The following CFAP96 variants were observed in gnomAD, a reference collection of about 807,000 sequenced individuals.
The protein encoded by CFAP96 is cilia-and flagella-associated protein 96.
At chr4:185,425,969 G>T in the CFAP96 span, 1 of 1,391,484 alleles carries the variant, frequency 7.2e-7, no homozygotes, top group Non-Finnish European at 1.0e-6. Flanking sequence ...CGGGGCCCGG[G>T]CGGACCAACT....
the CFAP96 span, among the ~76,000 whole-genome samples, chr4:185,449,311 A>G: frequency 6.6e-6 from 1 of 152,290 alleles, no homozygotes; most frequent in Non-Finnish European, 1.5e-5. Flanking sequence ...GCTTGAGCCC[A>G]GGATTTTAAG....
the CFAP96 span, among the ~76,000 whole-genome samples, chr4:185,420,163 G>C: frequency 9.1e-6 from 1 of 109,630 alleles, no homozygotes; most frequent in Non-Finnish European, 1.8e-5. Context: ...TCAAAGCTCT[G>C]TGTTCTAAAG....
the CFAP96 span, among the ~76,000 whole-genome samples, chr4:185,416,512 G>C: frequency 5.9e-5 from 9 of 152,206 alleles, no homozygotes; most frequent in Non-Finnish European, 8.8e-5. Flanking sequence ...GATCCTGGGA[G>C]TCAGACTTCT....
At chr4:185,436,086 G>A in the CFAP96 span, 2 of 1,551,044 alleles carry the variant, frequency 1.3e-6, no homozygotes, top group Non-Finnish European at 1.7e-6. Flanking sequence ...AGGTGGTCCA[G>A]TCCCATTTTT....
the CFAP96 span, chr4:185,435,963 C>G: frequency 1.3e-5 from 14 of 1,075,548 alleles, no homozygotes; most frequent in Non-Finnish European, 1.7e-5. Context: ...TTTTTTCAAT[C>G]TGTTTAAAAA....
chr4:185,425,988 C>G, the CFAP96 span: 2 of 1,164,290 alleles, frequency 1.7e-6, no homozygotes, highest in South Asian at 2.7e-5. Flanking sequence ...CTACAACTCC[C>G]GACATGCTCG....
chr4:185,419,045 T>G, the CFAP96 span, among the ~76,000 whole-genome samples: 1 of 152,114 alleles, frequency 6.6e-6, no homozygotes, highest in African/African-American at 2.4e-5. Context: ...TTTTCATCAC[T>G]CCAAAAAGAA....
At chr4:185,431,777 T>C in the CFAP96 span, among the ~76,000 whole-genome samples, 1 of 152,240 alleles carries the variant, frequency 6.6e-6, no homozygotes, top group Non-Finnish European at 1.5e-5. Context: ...ACCTTACATA[T>C]TAACATGTTT....
chr4:185,426,879 CA>C, the CFAP96 span, among the ~76,000 whole-genome samples: 20 of 69,036 alleles, frequency 2.9e-4, no homozygotes, highest in African/African-American at 1.2e-3. Context: ...CTAAAAATAC[CA>C]AAAAAAAAAA....
the CFAP96 span, among the ~76,000 whole-genome samples, chr4:185,433,570 G>A: frequency 6.6e-6 from 1 of 151,652 alleles, no homozygotes; most frequent in African/African-American, 2.4e-5. Context: ...TCTAATTCTA[G>A]TAGGCAACGT....
At chr4:185,445,127 GA>G in the CFAP96 span, 1 of 1,551,198 alleles carries the variant, frequency 6.4e-7, no homozygotes, top group Non-Finnish European at 8.7e-7. Flanking sequence ...TTGAATGTCA[GA>G]AGGTGGGAAT....
the CFAP96 span, among the ~76,000 whole-genome samples, chr4:185,418,047 AACAC>A: frequency 7.0e-6 from 1 of 142,954 alleles, no homozygotes; most frequent in Non-Finnish European, 1.5e-5. Flanking sequence ...TCCATCTCAA[AACAC>A]ACACACACAC....
the CFAP96 span, among the ~76,000 whole-genome samples, chr4:185,416,928 T>C: frequency 6.6e-6 from 1 of 152,326 alleles, no homozygotes; most frequent in Non-Finnish European, 1.5e-5. Context: ...CAGATTAATA[T>C]TGGATTCTGG....
chr4:185,415,205 T>C, the CFAP96 span: 27 of 1,607,206 alleles, frequency 1.7e-5, no homozygotes, highest in Non-Finnish European at 2.1e-5. Context: ...GGATATGAAA[T>C]TGTTACAAGA....
chr4:185,436,057 G>C, the CFAP96 span: 8 of 1,541,390 alleles, frequency 5.2e-6, no homozygotes, highest in Non-Finnish European at 7.0e-6. Context: ...TGTGGCTTAG[G>C]AAGCTACTAT....
At chr4:185,433,540 T>A in the CFAP96 span, among the ~76,000 whole-genome samples, 34,666 of 151,966 alleles carry the variant, frequency 0.23, 4,754 homozygotes, top group African/African-American at 0.38. Context: ...TAAAACTACT[T>A]TGTATAACTT....
chr4:185,408,896 CT>C, the CFAP96 span, among the ~76,000 whole-genome samples: 1 of 152,196 alleles, frequency 6.6e-6, no homozygotes, highest in Non-Finnish European at 1.5e-5. Context: ...ACCCCACCCC[CT>C]GCCTCACCTG....
At chr4:185,414,074 T>C in the CFAP96 span, among the ~76,000 whole-genome samples, 1 of 152,178 alleles carries the variant, frequency 6.6e-6, no homozygotes, top group East Asian at 1.9e-4. Flanking sequence ...TACGTCTGTA[T>C]CTGGGTAGAA....
the CFAP96 span, among the ~76,000 whole-genome samples, chr4:185,427,515 T>C: frequency 6.6e-6 from 1 of 151,966 alleles, no homozygotes; most frequent in African/African-American, 2.4e-5. Flanking sequence ...ATCCCAGCAC[T>C]TTAGGAGGCC....
Sources: gnomAD v4.1 joint callset for allele counts (sites outside exome capture counted in the v4.1 genomes callset) on GRCh38, gnomAD v4.1.1 for gene constraint, MANE v1.5 for transcripts, NCBI Gene and HGNC (gene_info 2026-07-23, HGNC 2026-07-21) for gene names.